The following MARCHF1 variants were observed in gnomAD, a reference collection of about 807,000 sequenced individuals.
MARCHF1 encodes E3 ubiquitin-protein ligase MARCHF1.
Under a neutral mutation model 54.2 loss-of-function variants are expected in MARCHF1, and 40 were observed. The observed-to-expected ratio is 0.74, with a 90% CI of 0.57 to 0.96. The LOEUF (loss-of-function observed/expected upper bound fraction) is 0.96, where lower values mean the gene tolerates loss of function less well. MARCHF1 is among the 40% of genes least tolerant of loss of function. MARCHF1 has a pLI of 0.00. For synonymous variants in MARCHF1, 236 were observed against 236.3 expected (o/e 1.00, Z 0.01); for missense variants, 586 against 656.5 (o/e 0.89, Z 1.17).
intron 4 of MARCHF1, among the ~76,000 whole-genome samples, chr4:163,795,790 A>C (rs1445334344): frequency 6.6e-6 from 1 of 152,216 alleles, no homozygotes; most frequent in Non-Finnish European, 1.5e-5. Flanking sequence ...TCAAAAATTT[A>C]TGTATAACTT....
At chr4:164,264,834 C>G (rs1377995919) in intron 1 of MARCHF1, among the ~76,000 whole-genome samples, 1 of 151,746 alleles carries the variant, frequency 6.6e-6, no homozygotes, top group Non-Finnish European at 1.5e-5. Flanking sequence ...GTAGGAGAAT[C>G]CCTTGAACCC....
At chr4:164,031,574 A>G (rs1305747528) in intron 2 of MARCHF1, among the ~76,000 whole-genome samples, 1 of 151,884 alleles carries the variant, frequency 6.6e-6, no homozygotes, top group African/African-American at 2.4e-5. Flanking sequence ...CCTTTTCTGT[A>G]CCTGTTGAGA....
intron 8 of MARCHF1, among the ~76,000 whole-genome samples, chr4:163,548,461 T>C (rs939136724): frequency 6.6e-6 from 1 of 152,200 alleles, no homozygotes; most frequent in South Asian, 2.1e-4. Context: ...TAGAAAAATA[T>C]CAGTGGGGCT....
chr4:164,213,311 G>C (rs1317644391), intron 1 of MARCHF1, among the ~76,000 whole-genome samples: 1 of 151,376 alleles, frequency 6.6e-6, no homozygotes, highest in Non-Finnish European at 1.5e-5. Flanking sequence ...TCTGCTCACT[G>C]AAAGCTCCGC....
chr4:164,359,223 G>C (rs544656359), intron 1 of MARCHF1, among the ~76,000 whole-genome samples: 2 of 152,274 alleles, frequency 1.3e-5, no homozygotes, highest in South Asian at 4.1e-4. Context: ...GTGTGTCATT[G>C]CATGTGTGTG....
At chr4:163,961,792 A>C (rs1224914973) in intron 3 of MARCHF1, among the ~76,000 whole-genome samples, 1 of 151,912 alleles carries the variant, frequency 6.6e-6, no homozygotes, top group East Asian at 1.9e-4. Context: ...CAGTGGGACT[A>C]AAGGCACTGA....
chr4:163,726,748 C>G (rs1745666000), intron 4 of MARCHF1, among the ~76,000 whole-genome samples: 1 of 152,214 alleles, frequency 6.6e-6, no homozygotes, highest in African/African-American at 2.4e-5. Flanking sequence ...TCCTGTTACT[C>G]TGCATCCTGC....
intron 2 of MARCHF1, among the ~76,000 whole-genome samples, chr4:163,998,868 G>A (rs1753130838): frequency 3.3e-5 from 5 of 151,682 alleles, no homozygotes; most frequent in Admixed American, 3.3e-4. Flanking sequence ...TGGACACTTA[G>A]GTTGATTCTA....
chr4:163,764,716 A>G (rs1385672090), intron 4 of MARCHF1, among the ~76,000 whole-genome samples: 1 of 152,108 alleles, frequency 6.6e-6, no homozygotes, highest in Non-Finnish European at 1.5e-5. Context: ...GGTTAACTCT[A>G]TTAGACGTAA....
rs187241969 is a variant in MARCHF1 at position 163,850,168 on chromosome 4, G to A, written c.111+3853C>T. Among the ~76,000 whole-genome samples, 13 of 152,274 alleles carry A rather than the reference G, an allele frequency of 8.5e-5. No homozygotes were observed. The East Asian group carries it at 2.5e-3, about 29-fold the overall frequency. On this transcript the variant is annotated intron_variant, in intron 4 of 9. Transcript: ENST00000514618. Reference sequence around the variant, plus strand: ...TTTCTAAGCTTATTTCACACTTGCTGAACTATCTTTATTGCACCACCACCA... The same window carrying A: ...TTTCTAAGCTTATTTCACACTTGCTAAACTATCTTTATTGCACCACCACCA...
intron 5 of MARCHF1, among the ~76,000 whole-genome samples, chr4:163,679,769 C>T (rs886205306): frequency 6.6e-6 from 1 of 151,898 alleles, no homozygotes; most frequent in Non-Finnish European, 1.5e-5. Context: ...CCCACCACCA[C>T]GCCCGGCTAA....
rs1338235682 is a variant in MARCHF1, at chr4:164,019,277, G to A, written c.-247-30568C>T. 1.4e-4 allele frequency among the ~76,000 whole-genome samples: 21 copies of A among 152,252 alleles called. No homozygotes were observed. The Middle Eastern group carries it at 0.01, about 74-fold the overall frequency. ...CCAGGTGCACTGTATTTTCTTTGCT[G>A]TTCCCTGCAGGATTTCCACTACCAT... On this transcript the variant is annotated intron_variant, in intron 2 of 9. Coordinates refer to ENST00000514618, the MANE Select transcript of MARCHF1 (RefSeq NM_001394959.1).
chr4:163,720,677 A>T (rs1745422091), intron 4 of MARCHF1, among the ~76,000 whole-genome samples: 1 of 152,100 alleles, frequency 6.6e-6, no homozygotes, highest in Non-Finnish European at 1.5e-5. Flanking sequence ...ATGTTCTTTC[A>T]TTTGTTTGTG....
chr4:164,260,323 T>C (rs1733428801), intron 1 of MARCHF1, among the ~76,000 whole-genome samples: 1 of 152,112 alleles, frequency 6.6e-6, no homozygotes, highest in Non-Finnish European at 1.5e-5. Context: ...TAAATTGCTT[T>C]GTTTTGAAGC....
chr4:163,959,338 A>C (rs1445369904), intron 3 of MARCHF1, among the ~76,000 whole-genome samples: 7 of 151,934 alleles, frequency 4.6e-5, no homozygotes, highest in East Asian at 1.9e-4. Context: ...AACAAAAAAA[A>C]AAAACAACAA....
At chr4:164,258,485 AC>A (rs1400194130) in intron 1 of MARCHF1, among the ~76,000 whole-genome samples, 1 of 151,668 alleles carries the variant, frequency 6.6e-6, no homozygotes, top group Non-Finnish European at 1.5e-5. Flanking sequence ...TGGGTGTGGC[AC>A]CCTCTTCCTA....
intron 4 of MARCHF1, among the ~76,000 whole-genome samples, chr4:163,818,778 T>C (rs1748612733): frequency 6.6e-6 from 1 of 152,146 alleles, no homozygotes; most frequent in Admixed American, 6.6e-5. Flanking sequence ...GTTGTGGTTA[T>C]TTTCTCACCA....
At chr4:163,798,369 A>T (rs7656580) in intron 4 of MARCHF1, among the ~76,000 whole-genome samples, 118,014 of 152,060 alleles carry the variant, frequency 0.78, 47,302 homozygotes, top group Non-Finnish European at 0.88. Flanking sequence ...AAGAAATAAA[A>T]ATTATTTTTG....
chr4:163,668,346 A>C (rs1743613237), intron 5 of MARCHF1, among the ~76,000 whole-genome samples: 1 of 152,222 alleles, frequency 6.6e-6, no homozygotes. Context: ...CATAGTAAGT[A>C]CCTGCCCTCA....
Sources: gnomAD v4.1 joint callset for allele counts (sites outside exome capture counted in the v4.1 genomes callset) on GRCh38, gnomAD v4.1.1 for gene constraint, MANE v1.5 for transcripts, NCBI Gene and HGNC (gene_info 2026-07-23, HGNC 2026-07-21) for gene names.